CTU2: variants seen among roughly 807,000 people sequenced by gnomAD.
The protein encoded by CTU2 is cytoplasmic tRNA 2-thiolation protein 2.
Under a neutral mutation model 64.1 loss-of-function variants are expected in CTU2, and 80 were observed. The ratio of observed to expected loss-of-function variants is 1.25; its 90% confidence interval spans 1.04 to 1.50. The LOEUF is 1.50. Ranked by LOEUF, CTU2 falls within the 40% of genes most tolerant of loss-of-function variation. The pLI is 0.00. For synonymous variants in CTU2, 482 were observed against 285.3 expected (o/e 1.69, Z -6.95); for missense variants, 1,110 against 690.2 (o/e 1.61, Z -6.81).
At position 88,714,577 on chromosome 16, in the gene CTU2, C is replaced by G; in HGVS notation, c.1202-10C>G. ...AGCCCCAGGCTCCGTCACCCCCTCTCTGCTTGCAGACAGTGCCACGGCTTT... is the reference window on the plus strand; with the variant it reads ...AGCCCCAGGCTCCGTCACCCCCTCTGTGCTTGCAGACAGTGCCACGGCTTT... On this transcript the variant is annotated splice_polypyrimidine_tract_variant and intron_variant, in intron 11 of 14. Coordinates refer to ENST00000453996, the MANE Select transcript of CTU2 (RefSeq NM_001012759.3). 6.2e-7 allele frequency: 1 copy of G among 1,612,702 alleles called. No individual in the cohort carries two copies. The highest frequency in any genetic ancestry group is 8.5e-7 in the Non-Finnish European group (1 of 1,179,896).
rs751207390 is a variant in CTU2 at position 88,715,243 on chromosome 16, C to T, written c.1540C>T (p.Gln514Ter). The T allele has an allele frequency of 1.9e-6, 3 of 1,611,658 alleles. No individual in the cohort carries two copies. The highest frequency in any genetic ancestry group is 3.3e-5 in the Admixed American group (2 of 60,008). ...LIEDSDDEAGQS is the reference protein window; with the variant it reads ...LIEDSDDEAG ...TGAGGACAGTGACGACGAGGCGGGC[C>T]AGAGCTGAGCGTGAGGACGTGCTTG... The change falls in exon 15 of 15, where the codon CAG becomes TAG. Residue 514 changes from glutamine to a stop codon, truncating the protein, a stop_gained. Transcript: ENST00000453996. LOFTEE classifies it high-confidence loss of function.
chr16:88,713,243 C>T, intron 7 of CTU2, 69 bp from the exon 8 acceptor site: 6 of 1,159,374 alleles, frequency 5.2e-6, no homozygotes, highest in South Asian at 2.8e-5. Flanking sequence ...CTGACCCCCA[C>T]TCATACCCGA....
Position 88,715,091 on chromosome 16 carries a change from A to T in CTU2, c.1463A>T (p.Gln488Leu), listed in dbSNP as rs762807736. The change falls in exon 14 of 15, where the codon CAG (glutamine) becomes CTG (leucine). Residue 488 changes from glutamine (Q) to leucine (L), a missense_variant. Transcript: ENST00000453996. ...PLPPYILAEA[Q>L]LRTQRAWGLQ... is the part of the protein sequence containing the mutation. ...CCGCCGTACATCCTGGCTGAGGCCCAGCTCCGCACACAGAGGTACTGGGGC... is the reference window on the plus strand; with the variant it reads ...CCGCCGTACATCCTGGCTGAGGCCCTGCTCCGCACACAGAGGTACTGGGGC... 5.1e-6 allele frequency: 8 copies of T among 1,579,770 alleles called. No homozygotes were observed. Among genetic ancestry groups the T allele is most frequent in the African/African-American group, 1.3e-5 (1 of 74,318 alleles).
intron 8 of CTU2, 63 bp from the exon 9 acceptor site, chr16:88,713,584 A>G: frequency 1.9e-6 from 3 of 1,580,220 alleles, no homozygotes; most frequent in East Asian, 2.3e-5. Context: ...CCTACCTGGC[A>G]GGGGAGGAGG....
intron 2 of CTU2, 196 bp from the exon 3 acceptor site, chr16:88,709,742 C>A: frequency 1.7e-6 from 1 of 597,872 alleles, no homozygotes; most frequent in Non-Finnish European, 3.0e-6. Flanking sequence ...CGGTGAGCCT[C>A]GTGTTCACCC....
At chr16:88,707,093 T>G (rs1910921928) in intron 1 of CTU2, 43 bp from the exon 2 acceptor site, 1 of 1,594,216 alleles carries the variant, frequency 6.3e-7, no homozygotes, top group Non-Finnish European at 8.6e-7. Flanking sequence ...GTGGGGAAGA[T>G]GTGATCTGTG....
intron 2 of CTU2, among the ~76,000 whole-genome samples, chr16:88,708,666 G>T (rs1396033098): frequency 6.6e-6 from 1 of 152,144 alleles, no homozygotes; most frequent in Non-Finnish European, 1.5e-5. Flanking sequence ...CCACAGGGGG[G>T]TCATTCGGCC....
rs1300654678 is a variant in CTU2 at position 88,712,836 on chromosome 16, A to C, written c.668A>C (p.Glu223Ala). The part of the protein sequence containing the change: ...LARPPAPAQT[E>A]ALSQLFCSVR... ...AGACCGCCTGCCCCTGCCCAGACTG[A>C]GGCTCTTTCCCAACTGTTCTGCTCA... The change falls in exon 7 of 15, where the codon GAG becomes GCG. Residue 223 changes from glutamate (E) to alanine (A), a missense_variant. By Grantham distance (107) the Glu-to-Ala change is moderately radical. Coordinates refer to ENST00000453996, the MANE Select transcript of CTU2 (RefSeq NM_001012759.3). 1 of 1,589,930 alleles carries C rather than the reference A, an allele frequency of 6.3e-7. No homozygotes were observed. The highest frequency in any genetic ancestry group is 1.7e-5 in the Admixed American group (1 of 57,184).
rs773498927 is a variant in CTU2, at chr16:88,714,380, C to G, written c.1098-3C>G. The G allele has an allele frequency of 6.2e-7, 1 of 1,612,376 alleles. No homozygotes were observed. The highest frequency in any genetic ancestry group is 8.5e-7 in the Non-Finnish European group (1 of 1,179,790). On this transcript the variant is annotated splice_region_variant and splice_polypyrimidine_tract_variant and intron_variant, in intron 10 of 14. Transcript: ENST00000453996. Reference sequence around the variant, plus strand: ...ACCTGCTCCTCCCACAATCCGGCCACAGGACAAGTGAGAAGCTGGTGAAGG... The same window carrying G: ...ACCTGCTCCTCCCACAATCCGGCCAGAGGACAAGTGAGAAGCTGGTGAAGG...
chr16:88,711,792 C>A, intron 5 of CTU2, 97 bp downstream of exon 5: 4 of 1,175,678 alleles, frequency 3.4e-6, no homozygotes, highest in South Asian at 1.5e-5. Flanking sequence ...TGCCGGTCCT[C>A]CCTCTGGTAG....
chr16:88,711,796 C>T (rs367572682), intron 5 of CTU2, 101 bp downstream of exon 5: 2 of 1,133,218 alleles, frequency 1.8e-6, no homozygotes, highest in Non-Finnish European at 1.3e-6. Flanking sequence ...GGTCCTCCCT[C>T]TGGTAGGATG....
rs2142738730 is a variant in CTU2, at chr16:88,714,873, G to A, written c.1366G>A (p.Ala456Thr). 1.2e-6 allele frequency: 2 copies of A among 1,612,644 alleles called. No homozygotes were observed. The highest frequency in any genetic ancestry group is 1.7e-6 in the Non-Finnish European group (2 of 1,179,900). The change falls in exon 13 of 15, where the codon GCC becomes ACC. Residue 456 changes from alanine (A) to threonine (T), a missense_variant. Coordinates refer to ENST00000453996, the MANE Select transcript of CTU2 (RefSeq NM_001012759.3). ...QGACRREDPQ[A>T]CIEEQLCYSC... Reference sequence around the variant, plus strand: ...CTGCTCCCGCAGGGAGGACCCCCAAGCCTGCATTGAGGAGCAGCTGTGCTA... The same window carrying A: ...CTGCTCCCGCAGGGAGGACCCCCAAACCTGCATTGAGGAGCAGCTGTGCTA...
At chr16:88,711,148 T>C (rs1308677141) in intron 4 of CTU2, among the ~76,000 whole-genome samples, 2 of 152,186 alleles carry the variant, frequency 1.3e-5, no homozygotes, top group Non-Finnish European at 2.9e-5. Context: ...TTCTGTTTTC[T>C]GAGGTCCCCT....
intron 5 of CTU2, 151 bp from the exon 6 acceptor site, chr16:88,712,123 A>T: frequency 1.3e-6 from 1 of 747,400 alleles, no homozygotes. Context: ...ACCCCTGCCC[A>T]AAGGAAAATG....
At chr16:88,714,807 C>G in intron 12 of CTU2, 53 bp from the exon 13 acceptor site, 3 of 1,611,144 alleles carry the variant, frequency 1.9e-6, no homozygotes, top group South Asian at 1.1e-5. Flanking sequence ...TTACCCCACA[C>G]TGCACGGCAT....
At position 88,713,361 on chromosome 16, in the gene CTU2, A is replaced by G; in HGVS notation, c.787A>G (p.Met263Val). ...CCGAGCCCACGGCTACTCCAAGGTC[A>G]TGACTGGGGACAGCTGCACACGCTT... ...MARAHGYSKV[M>V]TGDSCTRLAI... The change falls in exon 8 of 15, where the codon ATG becomes GTG. Residue 263 changes from methionine to valine, a missense_variant. Coordinates refer to ENST00000453996, the MANE Select transcript of CTU2 (RefSeq NM_001012759.3). 2 of 1,601,318 alleles carry G rather than the reference A, an allele frequency of 1.2e-6. No homozygotes were observed. Among genetic ancestry groups the G allele is most frequent in the Non-Finnish European group, 1.7e-6 (2 of 1,175,384 alleles).
Position 88,715,260 on chromosome 16 carries a change from A to G in CTU2, c.*9A>G. The G allele has an allele frequency of 6.2e-7, 1 of 1,610,488 alleles. No individual in the cohort carries two copies. The highest frequency in any genetic ancestry group is 8.5e-7 in the Non-Finnish European group (1 of 1,179,634). On this transcript the variant is annotated 3_prime_UTR_variant, in exon 15 of 15. Transcript: ENST00000453996. ...AGGCGGGCCAGAGCTGAGCGTGAGG[A>G]CGTGCTTGCCGGGACAGCAGGCAGT...
rs1244069795 is a variant in CTU2, at chr16:88,714,513, TGCGGGGAG to T, written c.1201+29_1201+36del. ...TCTGTGTTTCATGCTCTTGGGGTGA[TGCGGGGAG>T]GGAGCCAGGGAGTGGGTGTGGGGGC... On this transcript the variant is annotated intron_variant, in intron 11 of 14. Coordinates refer to ENST00000453996, the MANE Select transcript of CTU2 (RefSeq NM_001012759.3). The T allele has an allele frequency of 4.3e-6, 7 of 1,612,290 alleles. No homozygotes were observed. The African/African-American group carries it at 6.7e-5, about 15-fold the overall frequency.
At chr16:88,706,693 C>A in intron 1 of CTU2, 95 bp downstream of exon 1, 1 of 960,468 alleles carries the variant, frequency 1.0e-6, no homozygotes, top group Non-Finnish European at 1.4e-6. Flanking sequence ...CCGGGAAGCC[C>A]CGCGTGGAGA....
Sources: allele counts gnomAD v4.1 joint callset (sites outside exome capture counted in the v4.1 genomes callset), GRCh38; gene constraint gnomAD v4.1.1; transcripts MANE v1.5; gene names NCBI Gene and HGNC (gene_info 2026-07-23, HGNC 2026-07-21).